The following ARID3A variants were observed in gnomAD, a reference collection of about 807,000 sequenced individuals.
The protein encoded by ARID3A is AT-rich interaction domain 3A.
ARID3A carries 11 observed loss-of-function variants against 52.7 expected under a neutral mutation model. That is an observed-to-expected ratio of 0.21 (90% CI 0.13 to 0.35). ARID3A has a LOEUF of 0.35. Ranked by LOEUF, ARID3A falls within the 10% of genes least tolerant of loss-of-function variation. The pLI, the probability that ARID3A is intolerant of heterozygous loss-of-function variation, is 1.00. For synonymous variants in ARID3A, 404 were observed against 359.4 expected, an observed-to-expected ratio of 1.12 and a Z score of -1.40; for missense variants, 721 against 838.5, an observed-to-expected ratio of 0.86 and a Z score of 1.73.
intron 4 of ARID3A, among the ~76,000 whole-genome samples, chr19:961,399 C>G (rs772795377): frequency 1.3e-5 from 2 of 152,224 alleles, no homozygotes; most frequent in Admixed American, 6.5e-5. Flanking sequence ...GACCCGGGAC[C>G]TGGGCGGGGG....
chr19:932,644 G>T lies in ARID3A; in HGVS notation c.595G>T (p.Gly199Trp). The part of the protein sequence containing the change: ...PRVLGGQERP[G>W]PGPAHPGGAA... ...GGTGCTGGGGGGCCAGGAGCGGCCG[G>T]GGCCTGGCCCTGCCCACCCCGGAGG... Residue 199 changes from glycine (G) to tryptophan (W), a missense_variant, in exon 3 of 9, where the codon GGG becomes TGG. This residue lies in a region of ARID3A where 349 missense variants were observed against 297.3 expected (regional missense o/e 1.17). Coordinates refer to ENST00000263620, the MANE Select transcript of ARID3A (RefSeq NM_005224.3). The T allele has an allele frequency of 6.5e-7, 1 of 1,540,786 alleles. No individual in the cohort carries two copies. The highest frequency in any genetic ancestry group is 8.7e-7 in the Non-Finnish European group (1 of 1,144,372).
chr19:957,324 G>T (rs1284016453), intron 3 of ARID3A, among the ~76,000 whole-genome samples: 1 of 152,218 alleles, frequency 6.6e-6, no homozygotes, highest in Non-Finnish European at 1.5e-5. Context: ...GACCGGGATG[G>T]GAAGCAGGGC....
chr19:962,523 T>A, intron 4 of ARID3A, among the ~76,000 whole-genome samples: 1 of 149,552 alleles, frequency 6.7e-6, no homozygotes, highest in African/African-American at 2.4e-5. Flanking sequence ...CTTTTTTTTT[T>A]TTTTTTTTGA....
chr19:970,477 A>C (rs1304740056), intron 8 of ARID3A, among the ~76,000 whole-genome samples: 1 of 151,008 alleles, frequency 6.6e-6, no homozygotes, highest in East Asian at 1.9e-4. Flanking sequence ...ACAAAAGAAC[A>C]TAAGTAAATG....
At position 972,820 on chromosome 19, in the gene ARID3A, A is replaced by C. The variant is rs1028018655; in HGVS notation, c.*755A>C. On this transcript the variant is annotated 3_prime_UTR_variant, in exon 9 of 9. Transcript: ENST00000263620. ...AAAAAGCAAAAAAAAAAAAAAAAAA[A>C]AAAAAAAAAAACTCACCTTTTTATT... is the stretch of plus-strand genomic sequence containing the variant. The C allele has an allele frequency of 1.0e-3, 182 of 181,418 alleles. 1 individual carries two copies. Among genetic ancestry groups the C allele is most frequent in the East Asian group, 2.7e-3 (29 of 10,590 alleles). 11.2% of individuals were successfully genotyped at this position (181,418 alleles called of 1,614,324 possible).
At chr19:931,473 A>G (rs2037326750) in intron 2 of ARID3A, among the ~76,000 whole-genome samples, 2 of 150,944 alleles carry the variant, frequency 1.3e-5, no homozygotes, top group Admixed American at 6.6e-5. Flanking sequence ...AAAAACAACC[A>G]AACAAAACCT....
chr19:932,649 T>A lies in ARID3A; in HGVS notation c.600T>A (p.Pro200=), dbSNP rs1195128617. ...TGGGGGGCCAGGAGCGGCCGGGGCC[T>A]GGCCCTGCCCACCCCGGAGGGGCCG... ...RVLGGQERPG[P]GPAHPGGAAH... The change falls in exon 3 of 9, where the codon CCT becomes CCA. Residue 200 remains proline, a synonymous_variant. Coordinates refer to ENST00000263620, the MANE Select transcript of ARID3A (RefSeq NM_005224.3). 1.9e-6 allele frequency: 3 copies of A among 1,542,876 alleles called. No individual in the cohort carries two copies. The highest frequency in any genetic ancestry group is 2.0e-5 in the Admixed American group (1 of 50,322).
chr19:948,317 A>C (rs750654633), intron 3 of ARID3A, among the ~76,000 whole-genome samples: 1 of 151,848 alleles, frequency 6.6e-6, no homozygotes, highest in Non-Finnish European at 1.5e-5. Flanking sequence ...GTGGACTGAC[A>C]GCCCCGTGTG....
Position 933,932 on chromosome 19 carries a change from C to G in ARID3A, c.693+1190C>G, listed in dbSNP as rs540234954. ...AGAAGGGGATGCTCCACGGGCCACA[C>G]TGCCGCGCGTCCCATTCTGCCAGTG... On this transcript the variant is annotated intron_variant, in intron 3 of 8. Coordinates refer to ENST00000263620, the MANE Select transcript of ARID3A (RefSeq NM_005224.3). 2.6e-5 allele frequency among the ~76,000 whole-genome samples: 4 copies of G among 151,994 alleles called. No homozygotes were observed. In the South Asian group the frequency reaches 8.3e-4, roughly 32 times the overall value.
intron 3 of ARID3A, among the ~76,000 whole-genome samples, chr19:952,948 C>G (rs909259297): frequency 6.6e-6 from 1 of 152,152 alleles, no homozygotes; most frequent in Non-Finnish European, 1.5e-5. Context: ...CACTGCCCAC[C>G]TGTGACCTTG....
At chr19:935,465 G>A (rs774263424) in intron 3 of ARID3A, among the ~76,000 whole-genome samples, 8 of 152,124 alleles carry the variant, frequency 5.3e-5, no homozygotes, top group African/African-American at 9.7e-5. Context: ...AAGCGGCCAC[G>A]GTAGGATTTT....
rs966349481 is a variant in ARID3A, at chr19:929,205, A to T, written c.-267-57A>T. 4 of 173,062 alleles carry T rather than the reference A, an allele frequency of 2.3e-5. No homozygotes were observed. Among genetic ancestry groups the T allele is most frequent in the Non-Finnish European group, 4.9e-5 (4 of 81,816 alleles). 10.7% of individuals were successfully genotyped at this position (173,062 alleles called of 1,614,324 possible). ...ATCCCCAGGGCCTTCATGGGGAAGG[A>T]AGGAGGGGGCTTGAGGAGCTCAGGC... is the stretch of plus-strand genomic sequence containing the variant. On this transcript the variant is annotated intron_variant, in intron 1 of 8. Transcript: ENST00000263620. This position sits in a 1 kb window ranked among gnomAD's most constrained non-coding sequence, Gnocchi z 6.2.
At chr19:954,068 C>T (rs1183697321) in intron 3 of ARID3A, among the ~76,000 whole-genome samples, 1 of 151,968 alleles carries the variant, frequency 6.6e-6, no homozygotes, top group Non-Finnish European at 1.5e-5. Context: ...TAGGGCAGCT[C>T]AAGGCCGGGG....
chr19:930,176 C>T (rs1228005684), intron 2 of ARID3A, among the ~76,000 whole-genome samples: 1 of 144,112 alleles, frequency 6.9e-6, no homozygotes, highest in Non-Finnish European at 1.5e-5. Context: ...GCAGGAGGAT[C>T]CCTTGAGAAC....
intron 1 of ARID3A, among the ~76,000 whole-genome samples, chr19:927,414 C>A (rs1323765135): frequency 6.6e-6 from 1 of 152,064 alleles, no homozygotes; most frequent in African/African-American, 2.4e-5. Flanking sequence ...GGGATCCCCA[C>A]CTGCCCCCTC....
intron 2 of ARID3A, among the ~76,000 whole-genome samples, chr19:931,508 A>G (rs1013659255): frequency 1.3e-5 from 2 of 151,164 alleles, no homozygotes; most frequent in African/African-American, 4.9e-5. Flanking sequence ...AGGTGATATC[A>G]GGTTGTACAA....
At position 975,595 on chromosome 19, in the gene ARID3A, A is replaced by G. The variant is rs1018000351; in HGVS notation, c.*3530A>G. Reference sequence around the variant, plus strand: ...CGCCTGAAACTCAGGTAATAGGAGGAAAAAAAAAAAAACTTAAAAAAATTT... The same window carrying G: ...CGCCTGAAACTCAGGTAATAGGAGGGAAAAAAAAAAAACTTAAAAAAATTT... On this transcript the variant is annotated 3_prime_UTR_variant, in exon 9 of 9. Coordinates refer to ENST00000263620, the MANE Select transcript of ARID3A (RefSeq NM_005224.3). 3 of 175,366 alleles carry G rather than the reference A, an allele frequency of 1.7e-5. No individual in the cohort carries two copies. The highest frequency in any genetic ancestry group is 2.0e-4 in the South Asian group (1 of 4,982). 10.9% of individuals were successfully genotyped at this position (175,366 alleles called of 1,614,324 possible).
At chr19:965,119 G>A in intron 6 of ARID3A, 39 bp downstream of exon 6, 1 of 1,552,368 alleles carries the variant, frequency 6.4e-7, no homozygotes, top group Non-Finnish European at 8.7e-7. Flanking sequence ...GTTCCCAACT[G>A]AGCTTCAGCC....
chr19:929,299 C>T lies in ARID3A; in HGVS notation c.-230C>T. 1 of 421,780 alleles carries T rather than the reference C, an allele frequency of 2.4e-6. No homozygotes were observed. Among genetic ancestry groups the T allele is most frequent in the Non-Finnish European group, 3.5e-6 (1 of 283,948 alleles). The allele number at this position is 421,780 out of a possible 1,614,324, so 26.1% of individuals were successfully genotyped here. A position where few individuals can be genotyped will look rare whatever the true frequency, so the allele number is the denominator to read the frequency against. The stretch of plus-strand genomic sequence containing the variant: ...GCGTGAATGAGCCGGATGCCAGCCT[C>T]TGTCCCCTGGAGCCCAGCGTGAGGA... On this transcript the variant is annotated 5_prime_UTR_variant, in exon 2 of 9. Transcript: ENST00000263620. This position sits in a 1 kb window ranked among gnomAD's most constrained non-coding sequence, Gnocchi z 6.2.
Sources: allele counts gnomAD v4.1 joint callset (sites outside exome capture counted in the v4.1 genomes callset), GRCh38; gene constraint gnomAD v4.1.1; regional missense constraint gnomAD v4.1.1; non-coding constraint Gnocchi (gnomAD v3.1); transcripts MANE v1.5; gene names NCBI Gene and HGNC (gene_info 2026-07-23, HGNC 2026-07-21).